OR7E24: variants seen among roughly 807,000 people sequenced by gnomAD.
OR7E24 encodes the protein olfactory receptor 7E24.
For missense variants in OR7E24, 385 were observed against 410.3 expected (o/e 0.94, Z 0.53); for synonymous variants, 130 against 157.5 (o/e 0.83, Z 1.31).
chr19:9,223,127 C>G, the OR7E24 span, among the ~76,000 whole-genome samples: 2 of 152,162 alleles, frequency 1.3e-5, no homozygotes, highest in African/African-American at 4.8e-5. Context: ...TTTGCACCAT[C>G]CTTGTGAGGA....
rs367886273 is a variant in OR7E24, at chr19:9,251,160, A to G, written c.117A>G (p.Pro39=). The G allele has an allele frequency of 3.1e-6, 5 of 1,614,000 alleles. No homozygotes were observed. Among genetic ancestry groups the G allele is most frequent in the Non-Finnish European group, 4.2e-6 (5 of 1,179,964 alleles). Residue 39 remains proline, a synonymous_variant, in exon 1 of 1, where the codon CCA becomes CCG. Coordinates refer to ENST00000456448, the MANE Select transcript of OR7E24 (RefSeq NM_001079935.2). ...EFLLLGLSED[P]ELQPVLAGLF... ...TCCTCCTGGGACTCTCAGAGGATCC[A>G]GAACTGCAGCCGGTCCTCGCTGGGC...
chr19:9,221,638 A>G, the OR7E24 span, among the ~76,000 whole-genome samples: 4 of 151,972 alleles, frequency 2.6e-5, no homozygotes, highest in East Asian at 7.8e-4. Flanking sequence ...GGCGTGAGCC[A>G]CCGCGCCAGG....
At chr19:9,236,484 T>C in the OR7E24 span, among the ~76,000 whole-genome samples, 20 of 151,882 alleles carry the variant, frequency 1.3e-4, no homozygotes, top group Admixed American at 1.3e-3. Flanking sequence ...CACTCCAGTC[T>C]GGGTGACAGA....
the OR7E24 span, among the ~76,000 whole-genome samples, chr19:9,241,156 C>A: frequency 6.6e-6 from 1 of 152,094 alleles, no homozygotes; most frequent in African/African-American, 2.4e-5. Context: ...TTGTACATGG[C>A]AGAAAGTAGG....
chr19:9,246,304 G>A (rs375228442), upstream of OR7E24, among the ~76,000 whole-genome samples: 1 of 151,850 alleles, frequency 6.6e-6, no homozygotes, highest in Non-Finnish European at 1.5e-5. Context: ...TCCTGACCTC[G>A]TGATCTGCCT....
At chr19:9,217,890 G>A in the OR7E24 span, among the ~76,000 whole-genome samples, 1 of 152,112 alleles carries the variant, frequency 6.6e-6, no homozygotes, top group South Asian at 2.1e-4. Flanking sequence ...AATCTTCTAG[G>A]CTGACAGAAG....
chr19:9,208,709 T>TTTTTTG, the OR7E24 span: 1 of 150,308 alleles, frequency 6.7e-6, no homozygotes, highest in African/African-American at 2.5e-5. Flanking sequence ...TTTTTTTTTT[T>TTTTTTG]GAGACAGAGT....
Position 9,251,233 on chromosome 19 carries a change from A to G in OR7E24, c.190A>G (p.Ile64Val), listed in dbSNP as rs75749687. The G allele has an allele frequency of 0.027, 43,373 of 1,613,752 alleles. 1,247 individuals are homozygous for G. The highest frequency in any genetic ancestry group is 0.17 in the East Asian group (7,430 of 44,844). Residue 64 changes from isoleucine (I) to valine (V), a missense_variant, in exon 1 of 1, where the codon ATC (isoleucine) becomes GTC (valine). By Grantham distance (29) the Ile-to-Val change is conservative. Transcript: ENST00000456448. ...CACGGTGCTGGGGAACCTGCTCATC[A>G]TCCTGGCTGTCAGCTCTGACTCCCA... ...LVTVLGNLLI[I>V]LAVSSDSHLH...
chr19:9,226,045 T>C, the OR7E24 span, among the ~76,000 whole-genome samples: 1 of 152,164 alleles, frequency 6.6e-6, no homozygotes, highest in African/African-American at 2.4e-5. Context: ...GTGTCCACAA[T>C]GACATTGATG....
the OR7E24 span, chr19:9,235,688 C>G: frequency 6.2e-7 from 1 of 1,600,478 alleles, no homozygotes; most frequent in South Asian, 1.1e-5. Context: ...TGTGAACTGG[C>G]TCAGGTCCTC....
At chr19:9,230,094 G>A in the OR7E24 span, among the ~76,000 whole-genome samples, 1 of 150,802 alleles carries the variant, frequency 6.6e-6, no homozygotes, top group Admixed American at 6.6e-5. Context: ...ACCCAAGCTG[G>A]AGTGCAATGG....
the OR7E24 span, among the ~76,000 whole-genome samples, chr19:9,232,382 A>G: frequency 6.6e-6 from 1 of 152,024 alleles, no homozygotes; most frequent in Non-Finnish European, 1.5e-5. Flanking sequence ...TACTAAAAAT[A>G]CAAAAATTAG....
At chr19:9,209,136 A>C in the OR7E24 span, 1 of 152,336 alleles carries the variant, frequency 6.6e-6, no homozygotes, top group South Asian at 2.1e-4. Flanking sequence ...GATGGTTCAC[A>C]GTAGCCAACC....
chr19:9,242,982 T>A (rs560754286), upstream of OR7E24, among the ~76,000 whole-genome samples: 12 of 152,288 alleles, frequency 7.9e-5, no homozygotes, highest in East Asian at 2.1e-3. Flanking sequence ...ATTGCAGTTT[T>A]ATGATCTAAC....
rs1231253490 is a variant in OR7E24 at position 9,251,798 on chromosome 19, A to G, written c.755A>G (p.Lys252Arg). 6.8e-6 allele frequency: 11 copies of G among 1,612,910 alleles called. No individual in the cohort carries two copies. The highest frequency in any genetic ancestry group is 9.3e-6 in the Non-Finnish European group (11 of 1,179,440). ...PILRVPTSDG[K>R]YKAFSTCGSH... The stretch of plus-strand genomic sequence containing the variant: ...CTGAGAGTTCCAACATCAGATGGGA[A>G]GTATAAAGCCTTCTCCACCTGTGGC... Residue 252 changes from lysine to arginine, a missense_variant, in exon 1 of 1, where the codon AAG (lysine) becomes AGG (arginine). Lys to Arg is a conservative substitution (Grantham distance 26). Coordinates refer to ENST00000456448, the MANE Select transcript of OR7E24 (RefSeq NM_001079935.2).
At chr19:9,243,174 G>T (rs1402980434), upstream of OR7E24, among the ~76,000 whole-genome samples, 2 of 152,122 alleles carry the variant, frequency 1.3e-5, no homozygotes, top group East Asian at 1.9e-4. Context: ...TGCAGTGAAG[G>T]ATGGGGTAGT....
At position 9,251,905 on chromosome 19, in the gene OR7E24, A is replaced by G. The variant is rs1195554580; in HGVS notation, c.862A>G (p.Lys288Glu). The G allele has an allele frequency of 9.9e-6, 16 of 1,614,048 alleles. No homozygotes were observed. The highest frequency in any genetic ancestry group is 1.4e-5 in the Non-Finnish European group (16 of 1,180,048). Residue 288 changes from lysine (K) to glutamate (E), a missense_variant, in exon 1 of 1, where the codon AAG becomes GAG. Physicochemically the swap from Lys to Glu is moderately conservative, Grantham distance 56. Coordinates refer to ENST00000456448, the MANE Select transcript of OR7E24 (RefSeq NM_001079935.2). The part of the protein sequence containing the change: ...LSSAVLPSPR[K>E]SMVASVMYTV... Reference sequence around the variant, plus strand: ...TTCAGCTGTGTTACCATCCCCCAGGAAGAGTATGGTGGCTTCAGTGATGTA... The same window carrying G: ...TTCAGCTGTGTTACCATCCCCCAGGGAGAGTATGGTGGCTTCAGTGATGTA...
the OR7E24 span, chr19:9,214,804 A>G: frequency 1.2e-6 from 2 of 1,610,370 alleles, no homozygotes; most frequent in Non-Finnish European, 1.7e-6. Flanking sequence ...AGGAGGAGAA[A>G]TTTTGATAAT....
At chr19:9,248,879 A>G (rs1751824867), upstream of OR7E24, among the ~76,000 whole-genome samples, 1 of 152,236 alleles carries the variant, frequency 6.6e-6, no homozygotes, top group Non-Finnish European at 1.5e-5. Context: ...GTTTAGTGCC[A>G]GAGACTCAAA....
Sources: allele counts gnomAD v4.1 joint callset (sites outside exome capture counted in the v4.1 genomes callset), GRCh38; gene constraint gnomAD v4.1.1; transcripts MANE v1.5; gene names NCBI Gene and HGNC (gene_info 2026-07-23, HGNC 2026-07-21).